MORC2: variants seen among roughly 807,000 people sequenced by gnomAD.
MORC2 encodes the protein MORC family CW-type zinc finger 2, also known as ATPase MORC2.
In MORC2, 30 loss-of-function variants were observed where a neutral mutation model predicts 136.0. That is an observed-to-expected ratio of 0.22 (90% CI 0.17 to 0.30). The LOEUF (loss-of-function observed/expected upper bound fraction) is 0.30. MORC2 is among the 10% of genes least tolerant of loss of function. The pLI is 1.00. For missense variants in MORC2, 922 were observed against 1,333.1 expected (o/e 0.69, Z 4.80); for synonymous variants, 439 against 487.0 (o/e 0.90, Z 1.30).
intron 1 of MORC2, among the ~76,000 whole-genome samples, chr22:30,962,899 T>C (rs981606141): frequency 6.6e-6 from 1 of 152,236 alleles, no homozygotes; most frequent in South Asian, 2.1e-4. Context: ...ACTGCACAAA[T>C]TCTTTTTTAC....
chr22:30,939,457 A>G (rs1355191896), intron 12 of MORC2, among the ~76,000 whole-genome samples, 164 bp downstream of exon 12: 3 of 152,290 alleles, frequency 2.0e-5, no homozygotes, highest in East Asian at 3.9e-4. Context: ...TTATGACTCA[A>G]AAAAGGGCTG....
intron 24 of MORC2, among the ~76,000 whole-genome samples, chr22:30,929,199 C>A (rs147022311): frequency 2.1e-4 from 32 of 152,338 alleles, no homozygotes; most frequent in African/African-American, 7.5e-4. Context: ...AATACTGGAG[C>A]AATCTCCAAA....
In MORC2 at chr22:30,928,183, C is replaced by G; in HGVS notation, c.2866G>C (p.Val956Leu). Residue 956 changes from valine to leucine, a missense_variant, in exon 25 of 26, where the codon GTA becomes CTA. By Grantham distance (32) the Val-to-Leu change is conservative (BLOSUM62 1). Transcript: ENST00000397641. ...GAATTGCACAGGTTTTGGAGCCCTA[C>G]TTCATATTGCTTGAAGTACTCCTTC... ...PLKEYFKQYE[V>L]GLQNLCNSYQ... The G allele has an allele frequency of 1.2e-6, 2 of 1,614,122 alleles. No homozygotes were observed. The highest frequency in any genetic ancestry group is 1.7e-6 in the Non-Finnish European group (2 of 1,180,026).
At chr22:30,952,535 A>G (rs1275702656) in intron 3 of MORC2, among the ~76,000 whole-genome samples, 1 of 152,226 alleles carries the variant, frequency 6.6e-6, no homozygotes, top group Non-Finnish European at 1.5e-5. Flanking sequence ...GTAAGAGATG[A>G]CACTGGGGGG....
At chr22:30,926,897 A>G (rs774843310) in intron 25 of MORC2, 26 bp from the exon 26 acceptor site, 2 of 1,601,356 alleles carry the variant, frequency 1.2e-6, no homozygotes, top group Non-Finnish European at 8.5e-7. Context: ...GTAGGGATCA[A>G]CTGGGGGCCA....
intron 6 of MORC2, among the ~76,000 whole-genome samples, chr22:30,945,550 G>C (rs1039428179): frequency 3.3e-5 from 5 of 152,294 alleles, no homozygotes; most frequent in African/African-American, 1.2e-4. Context: ...AAGGAGATAA[G>C]AGTCCAGTCT....
chr22:30,957,913 T>A (rs2040990395), intron 2 of MORC2, among the ~76,000 whole-genome samples: 1 of 152,232 alleles, frequency 6.6e-6, no homozygotes, highest in African/African-American at 2.4e-5. Flanking sequence ...ACTTCCGCTG[T>A]CAATTTTCAT....
At chr22:30,939,883 A>T in intron 11 of MORC2, 76 bp downstream of exon 11, 1 of 1,487,354 alleles carries the variant, frequency 6.7e-7, no homozygotes, top group Non-Finnish European at 9.2e-7. Flanking sequence ...GCTGTGTTTT[A>T]CTTGACCAGG....
intron 5 of MORC2, 96 bp from the exon 6 acceptor site, chr22:30,946,545 C>T: frequency 8.3e-6 from 9 of 1,087,230 alleles, no homozygotes; most frequent in Non-Finnish European, 1.2e-5. Flanking sequence ...GAAAGTGCCA[C>T]TGGAGGGCTC....
At chr22:30,959,936 G>GT (rs1318087982) in intron 1 of MORC2, among the ~76,000 whole-genome samples, 1 of 152,148 alleles carries the variant, frequency 6.6e-6, no homozygotes, top group Non-Finnish European at 1.5e-5. Flanking sequence ...TCTTCCTCAA[G>GT]TAACTCCAAA....
chr22:30,965,743 TA>T (rs2041118125), intron 1 of MORC2, among the ~76,000 whole-genome samples: 1 of 152,138 alleles, frequency 6.6e-6, no homozygotes, highest in South Asian at 2.1e-4. Flanking sequence ...CAATAAGCTA[TA>T]AAATAGCAAA....
rs766554838 is a variant in MORC2, at chr22:30,935,372, G to A, written c.1738-50C>T. On this transcript the variant is annotated intron_variant, in intron 17 of 25. Transcript: ENST00000397641. ...GTTGTTTGCATATTTTAGTATACTT[G>A]AGCAAACTTTTTGGATAGTGTCTGG... The A allele has an allele frequency of 1.9e-6, 3 of 1,567,348 alleles. No individual in the cohort carries two copies. The South Asian group carries it at 3.4e-5, about 18-fold the overall frequency.
rs968695484 is a variant in MORC2 at position 30,951,867 on chromosome 22, G to A, written c.158-1422C>T. On this transcript the variant is annotated intron_variant, in intron 3 of 25. Transcript: ENST00000397641. ...GTCGCCCAGGCTGGAGTGCAACGGC[G>A]TGATCTCGGCTCACTGCAACCTCTG... 2.6e-5 allele frequency among the ~76,000 whole-genome samples: 4 copies of A among 151,364 alleles called. No individual in the cohort carries two copies. The East Asian group carries it at 7.7e-4, about 29-fold the overall frequency.
At chr22:30,967,677 G>T (rs1278022216) in intron 1 of MORC2, 145 bp downstream of exon 1, 1 of 1,459,900 alleles carries the variant, frequency 6.8e-7, no homozygotes. Flanking sequence ...CTTCAATACA[G>T]AGCTCAAGAT....
At chr22:30,933,118 G>A in intron 21 of MORC2, 88 bp from the exon 22 acceptor site, 2 of 1,560,066 alleles carry the variant, frequency 1.3e-6, no homozygotes, top group Non-Finnish European at 1.7e-6. Flanking sequence ...CAGTCCCCAG[G>A]GTTTGGAGGA....
chr22:30,955,184 C>T (rs1034198056), intron 3 of MORC2, among the ~76,000 whole-genome samples: 1 of 151,990 alleles, frequency 6.6e-6, no homozygotes, highest in African/African-American at 2.4e-5. Flanking sequence ...TCTCAAACAC[C>T]CGACCTAAGG....
intron 4 of MORC2, 41 bp downstream of exon 4, chr22:30,950,336 C>CGCTGG: frequency 1.3e-6 from 1 of 764,012 alleles, no homozygotes; most frequent in South Asian, 1.4e-5. Context: ...ATGGTTACAT[C>CGCTGG]GCACCCCCCC....
chr22:30,946,076 T>G lies in MORC2; in HGVS notation c.426+265A>C, dbSNP rs535259840. 3.3e-5 allele frequency among the ~76,000 whole-genome samples: 5 copies of G among 152,276 alleles called. No individual in the cohort carries two copies. In the East Asian group the frequency reaches 9.7e-4, roughly 29 times the overall value. ...GATCTAGAGGAGCTGCAAATCCAACTCTTAATTCCTGCCACTTGACAGTCT... is the reference window on the plus strand; with the variant it reads ...GATCTAGAGGAGCTGCAAATCCAACGCTTAATTCCTGCCACTTGACAGTCT... On this transcript the variant is annotated intron_variant, in intron 6 of 25. Transcript: ENST00000397641.
At chr22:30,948,892 G>A (rs1018573560) in intron 5 of MORC2, among the ~76,000 whole-genome samples, 18 of 152,062 alleles carry the variant, frequency 1.2e-4, no homozygotes, top group African/African-American at 2.2e-4. Context: ...CACAAAGTCC[G>A]GATACCAGGT....
Sources: allele counts gnomAD v4.1 joint callset (sites outside exome capture counted in the v4.1 genomes callset), GRCh38; gene constraint gnomAD v4.1.1; transcripts MANE v1.5; gene names NCBI Gene and HGNC (gene_info 2026-07-23, HGNC 2026-07-21).